Variants in RGS17 observed in about 807,000 individuals in gnomAD.
RGS17 encodes regulator of G protein signaling 17, also known as regulator of G-protein signaling 17.
In RGS17, 12 loss-of-function variants were observed where a neutral mutation model predicts 25.5. That is an observed-to-expected ratio of 0.47 (90% CI 0.30 to 0.76). The LOEUF is 0.76. Among genes scored for constraint, RGS17 ranks in the 30% least tolerant of loss-of-function variants. The pLI is 0.07. For synonymous variants in RGS17, 71 were observed against 76.9 expected (o/e 0.92, Z 0.40); for missense variants, 196 against 242.2 (o/e 0.81, Z 1.27).
chr6:153,026,112 T>A (rs1445517174), intron 3 of RGS17, among the ~76,000 whole-genome samples: 1 of 152,142 alleles, frequency 6.6e-6, no homozygotes, highest in African/African-American at 2.4e-5. Flanking sequence ...TTTGTGTGTG[T>A]GTTTAGACAC....
chr6:153,090,082 T>C (rs1777104934), intron 1 of RGS17, among the ~76,000 whole-genome samples: 1 of 152,158 alleles, frequency 6.6e-6, no homozygotes, highest in Non-Finnish European at 1.5e-5. Context: ...AAATTTTCCT[T>C]TTCATAACTG....
rs375017196 is a variant in RGS17, at chr6:153,053,660, T to C, written c.-25-9617A>G. Among the ~76,000 whole-genome samples the C allele has an allele frequency of 7.3e-5, 11 of 151,500 alleles. No homozygotes were observed. In the East Asian group the frequency reaches 2.1e-3, roughly 30 times the overall value. On this transcript the variant is annotated intron_variant, in intron 1 of 4. Coordinates refer to ENST00000206262, the MANE Select transcript of RGS17 (RefSeq NM_012419.5). ...ATTTAACCAGGCATGGTGGCATACATATGTAGTCCTAGGTACTTGCTACTT... is the reference window on the plus strand; with the variant it reads ...ATTTAACCAGGCATGGTGGCATACACATGTAGTCCTAGGTACTTGCTACTT...
rs768406565 is a variant in RGS17, at chr6:153,011,593, C to G, written c.614G>C (p.Gly205Ala). 1 of 1,606,676 alleles carries G rather than the reference C, an allele frequency of 6.2e-7. No individual in the cohort carries two copies. ...TGAACATTAAGATTCAGAAGAAGAGCCAGCAGTACTTTCAACAAATGACTT... is the reference window on the plus strand; with the variant it reads ...TGAACATTAAGATTCAGAAGAAGAGGCAGCAGTACTTTCAACAAATGACTT... ...IYKSFVESTA[G>A]SSSES The change falls in exon 5 of 5, where the codon GGC (glycine) becomes GCC (alanine). Residue 205 changes from glycine (G) to alanine (A), a missense_variant. Physicochemically the swap from Gly to Ala is moderately conservative, Grantham distance 60 (BLOSUM62 0). Around this residue, in one of 2 missense-constraint regions of RGS17, gnomAD observed 179 missense variants for 197.6 expected, o/e 0.91. Transcript: ENST00000206262.
intron 2 of RGS17, among the ~76,000 whole-genome samples, chr6:153,031,774 T>G (rs1373239479): frequency 5.3e-5 from 8 of 152,094 alleles, no homozygotes; most frequent in African/African-American, 1.9e-4. Flanking sequence ...ATAAATGCCC[T>G]CTCTAAGTAT....
At chr6:153,090,635 AG>A (rs777418499) in intron 1 of RGS17, among the ~76,000 whole-genome samples, 80 of 152,142 alleles carry the variant, frequency 5.3e-4, no homozygotes, top group Non-Finnish European at 9.3e-4. Context: ...ACAAAAAAAA[AG>A]GAAAGAAAAT....
At chr6:153,104,225 G>C (rs1438062712) in intron 1 of RGS17, among the ~76,000 whole-genome samples, 1 of 152,166 alleles carries the variant, frequency 6.6e-6, no homozygotes, top group Non-Finnish European at 1.5e-5. Flanking sequence ...TCATTGCACA[G>C]ATAGTAGATA....
intron 4 of RGS17, among the ~76,000 whole-genome samples, chr6:153,023,073 C>T (rs1243259190): frequency 1.3e-5 from 2 of 151,960 alleles, no homozygotes; most frequent in Non-Finnish European, 2.9e-5. Flanking sequence ...GGCATTTTAA[C>T]CTAACTAATT....
At chr6:153,043,097 C>T (rs1339823343) in intron 2 of RGS17, among the ~76,000 whole-genome samples, 1 of 152,198 alleles carries the variant, frequency 6.6e-6, no homozygotes, top group African/African-American at 2.4e-5. Flanking sequence ...GAATCCGGAA[C>T]TCGAGCAGGT....
chr6:153,053,358 A>C (rs560239497), intron 1 of RGS17, among the ~76,000 whole-genome samples: 1 of 152,362 alleles, frequency 6.6e-6, no homozygotes, highest in South Asian at 2.1e-4. Context: ...TATGTGTAAC[A>C]TACGCAGTTA....
intron 1 of RGS17, among the ~76,000 whole-genome samples, chr6:153,052,756 C>A (rs964042105): frequency 9.2e-5 from 14 of 152,062 alleles, no homozygotes; most frequent in Admixed American, 9.2e-4. Flanking sequence ...GGGCCAGGAG[C>A]AGAATGTTAA....
At chr6:153,070,006 T>C (rs1447314021) in intron 1 of RGS17, among the ~76,000 whole-genome samples, 1 of 152,052 alleles carries the variant, frequency 6.6e-6, no homozygotes, top group African/African-American at 2.4e-5. Flanking sequence ...TTCCAGGAAG[T>C]ATACAAGTGA....
Position 153,127,917 on chromosome 6 carries a change from TATTTTACACCTGCCTTTGCCACA to T in RGS17, c.-26+3184_-26+3206del, listed in dbSNP as rs575348595. ...CAAAATTTATTAATTTAGGAAAAAT[TATTTTACACCTGCCTTTGCCACA>T]TACTGTGCCAGGTGCTGGCACAATA... On this transcript the variant is annotated intron_variant, in intron 1 of 4. Transcript: ENST00000206262. Among the ~76,000 whole-genome samples, 8 of 152,300 alleles carry T rather than the reference TATTTTACACCTGCCTTTGCCACA, an allele frequency of 5.3e-5. No individual in the cohort carries two copies. In the South Asian group the frequency reaches 1.7e-3, roughly 32 times the overall value.
At chr6:153,053,212 C>T (rs1776486428) in intron 1 of RGS17, among the ~76,000 whole-genome samples, 1 of 152,126 alleles carries the variant, frequency 6.6e-6, no homozygotes, top group Admixed American at 6.5e-5. Flanking sequence ...AAATGAGTAA[C>T]TTAGATCTAT....
intron 1 of RGS17, among the ~76,000 whole-genome samples, chr6:153,051,725 C>T (rs1776463957): frequency 6.6e-6 from 1 of 152,106 alleles, no homozygotes; most frequent in African/African-American, 2.4e-5. Context: ...TGAAGAGGGA[C>T]TTATCAAACA....
intron 1 of RGS17, among the ~76,000 whole-genome samples, chr6:153,112,243 G>T (rs1777481181): frequency 6.6e-6 from 1 of 152,218 alleles, no homozygotes; most frequent in East Asian, 1.9e-4. Context: ...TGACCTGATG[G>T]CACTGAAAAA....
intron 1 of RGS17, among the ~76,000 whole-genome samples, chr6:153,074,467 A>T (rs571637425): frequency 6.6e-6 from 1 of 152,210 alleles, no homozygotes; most frequent in Admixed American, 6.5e-5. Flanking sequence ...TACTAAGAAC[A>T]CTCTTCATTT....
chr6:153,083,861 T>C (rs551684844), intron 1 of RGS17, among the ~76,000 whole-genome samples: 2 of 152,328 alleles, frequency 1.3e-5, no homozygotes, highest in South Asian at 2.1e-4. Flanking sequence ...AAAACTGTAA[T>C]ACAGCTCTCC....
chr6:153,110,314 C>T (rs1009510473), intron 1 of RGS17, among the ~76,000 whole-genome samples: 1 of 152,030 alleles, frequency 6.6e-6, no homozygotes, highest in African/African-American at 2.4e-5. Flanking sequence ...GTTCTAGTTT[C>T]CTCTTCAATT....
At position 153,006,167 on chromosome 6, in the gene RGS17, T is replaced by A. The variant is rs1356896059; in HGVS notation, c.*5407A>T. The A allele has an allele frequency of 6.6e-6, 1 of 152,178 alleles. No homozygotes were observed. The highest frequency in any genetic ancestry group is 1.5e-5 in the Non-Finnish European group (1 of 68,038). The allele number at this position is 152,178 out of a possible 1,614,324, so 9.4% of individuals were successfully genotyped here. ...TGCCTGGCCCATTACCACCTTTTATTAAGTTTTTATTTTCATTGTAAAATT... is the reference window on the plus strand; with the variant it reads ...TGCCTGGCCCATTACCACCTTTTATAAAGTTTTTATTTTCATTGTAAAATT... On this transcript the variant is annotated 3_prime_UTR_variant, in exon 5 of 5. Transcript: ENST00000206262.
Sources: gnomAD v4.1 joint callset for allele counts (sites outside exome capture counted in the v4.1 genomes callset) on GRCh38, gnomAD v4.1.1 for gene constraint, gnomAD v4.1.1 regional missense constraint, MANE v1.5 for transcripts, NCBI Gene and HGNC (gene_info 2026-07-23, HGNC 2026-07-21) for gene names.